HERC4: variants seen among roughly 807,000 people sequenced by gnomAD.
The protein encoded by HERC4 is HECT and RLD domain containing E3 ubiquitin protein ligase 4, also known as probable E3 ubiquitin-protein ligase HERC4.
Under a neutral mutation model 124.3 loss-of-function variants are expected in HERC4, and 28 were observed. The ratio of observed to expected loss-of-function variants is 0.23; its 90% CI spans 0.17 to 0.31. The LOEUF (loss-of-function observed/expected upper bound fraction) is 0.31. HERC4 is among the 10% of genes least tolerant of loss of function. The pLI is 1.00. For synonymous variants in HERC4, 407 were observed against 421.5 expected, an observed-to-expected ratio of 0.97 and a Z score of 0.42; for missense variants, 713 against 1,229.3, an observed-to-expected ratio of 0.58 and a Z score of 6.28.
intron 20 of HERC4, among the ~76,000 whole-genome samples, chr10:67,939,949 T>TG (rs2032728990): frequency 6.6e-6 from 1 of 152,092 alleles, no homozygotes; most frequent in South Asian, 2.1e-4. Flanking sequence ...TTTCCCGAGA[T>TG]GGAGTCTTGC....
intron 8 of HERC4, among the ~76,000 whole-genome samples, chr10:68,014,726 A>G (rs541334366): frequency 3.9e-5 from 6 of 152,216 alleles, no homozygotes; most frequent in Non-Finnish European, 8.8e-5. Flanking sequence ...CTCTGGAGGT[A>G]CTACAGTGAA....
At chr10:68,039,883 A>G in intron 4 of HERC4, 3 of 994,132 alleles carry the variant, frequency 3.0e-6, no homozygotes, top group Non-Finnish European at 3.6e-6. Flanking sequence ...ATCAAGTACA[A>G]TTTTGCAAAT....
At chr10:68,012,008 T>C (rs749797144) in intron 9 of HERC4, among the ~76,000 whole-genome samples, 7 of 152,194 alleles carry the variant, frequency 4.6e-5, no homozygotes, top group Non-Finnish European at 8.8e-5. Context: ...ACTTTTACAT[T>C]ATGGAGATGG....
intron 19 of HERC4, among the ~76,000 whole-genome samples, chr10:67,950,744 C>T (rs772038340): frequency 2.0e-5 from 3 of 152,174 alleles, no homozygotes; most frequent in Non-Finnish European, 4.4e-5. Flanking sequence ...AACATATATA[C>T]AGCTCTAAAT....
chr10:67,992,157 C>T (rs771263348), intron 11 of HERC4, 42 bp downstream of exon 11: 14 of 1,591,538 alleles, frequency 8.8e-6, no homozygotes, highest in Non-Finnish European at 1.2e-5. Flanking sequence ...GCTGGGATTA[C>T]AGGCATGAGC....
At position 68,023,440 on chromosome 10, in the gene HERC4, A is replaced by G. The variant is rs1166749913; in HGVS notation, c.908+2106T>C. 2.0e-5 allele frequency among the ~76,000 whole-genome samples: 3 copies of G among 152,352 alleles called. No individual in the cohort carries two copies. The East Asian group carries it at 5.8e-4, about 29-fold the overall frequency. ...CCTTGATGACACTACGCTGAGTGAG[A>G]TAAGTCAGTCACCAAAAGACAAACA... is the stretch of plus-strand genomic sequence containing the variant. On this transcript the variant is annotated intron_variant, in intron 8 of 24. Coordinates refer to ENST00000373700, the MANE Select transcript of HERC4 (RefSeq NM_015601.4).
chr10:67,944,184 G>T (rs979530910), intron 19 of HERC4, among the ~76,000 whole-genome samples: 23 of 152,234 alleles, frequency 1.5e-4, no homozygotes, highest in Admixed American at 6.5e-4. Context: ...ACCCAGTGCA[G>T]TCCCAGTAGT....
intron 7 of HERC4, among the ~76,000 whole-genome samples, chr10:68,032,097 A>C (rs982152201): frequency 3.9e-5 from 6 of 152,238 alleles, no homozygotes; most frequent in African/African-American, 1.4e-4. Context: ...AGACCAAAAA[A>C]GATAAAGAAA....
At chr10:68,011,859 AAAAG>A (rs1388687234) in intron 9 of HERC4, among the ~76,000 whole-genome samples, 1 of 152,220 alleles carries the variant, frequency 6.6e-6, no homozygotes, top group Non-Finnish European at 1.5e-5. Context: ...TCTCAGCTAT[AAAAG>A]AAAGTTGTAG....
chr10:67,943,950 T>C (rs2033125020), intron 19 of HERC4, among the ~76,000 whole-genome samples: 1 of 152,166 alleles, frequency 6.6e-6, no homozygotes, highest in Non-Finnish European at 1.5e-5. Flanking sequence ...ACCAGGTAGG[T>C]TCCTTAAGGT....
intron 16 of HERC4, among the ~76,000 whole-genome samples, chr10:67,959,748 G>A (rs1460964440): frequency 1.3e-5 from 2 of 152,142 alleles, no homozygotes; most frequent in Non-Finnish European, 2.9e-5. Context: ...AAAAAGAAAT[G>A]AAGAGAGAAA....
intron 11 of HERC4, among the ~76,000 whole-genome samples, 162 bp downstream of exon 11, chr10:67,992,037 C>A (rs2132781225): frequency 6.6e-6 from 1 of 152,160 alleles, no homozygotes; most frequent in Middle Eastern, 3.4e-3. Flanking sequence ...TAGCTGAGAC[C>A]ACAGGTGTGC....
rs202190636 is a variant in HERC4, at chr10:68,006,380, T to TG, written c.1069+7645_1069+7646insC. ...GCGTTTTTGTTTTTGTTTTTGTTTTTTTTTTTTTTTTGAGACAGTTTCCTC... is the reference window on the plus strand; with the variant it reads ...GCGTTTTTGTTTTTGTTTTTGTTTTTGTTTTTTTTTTTGAGACAGTTTCCTC... On this transcript the variant is annotated intron_variant, in intron 9 of 24. Coordinates refer to ENST00000373700, the MANE Select transcript of HERC4 (RefSeq NM_015601.4). Among the ~76,000 whole-genome samples, 3,011 of 150,174 alleles carry TG rather than the reference T, an allele frequency of 0.02. 230 individuals carry two copies. In the East Asian group the frequency reaches 0.28, roughly 14 times the overall value.
intron 8 of HERC4, among the ~76,000 whole-genome samples, chr10:68,016,412 G>A (rs531840969): frequency 6.6e-6 from 1 of 152,196 alleles, no homozygotes; most frequent in African/African-American, 2.4e-5. Flanking sequence ...GAGTGCAGTG[G>A]CGTGATCTTG....
intron 20 of HERC4, among the ~76,000 whole-genome samples, chr10:67,940,527 C>T (rs1027569215): frequency 6.6e-6 from 1 of 152,074 alleles, no homozygotes; most frequent in African/African-American, 2.4e-5. Flanking sequence ...TCAAGCAATT[C>T]TCCTGCCTCA....
At position 68,014,127 on chromosome 10, in the gene HERC4, C is replaced by T. The variant is rs772064040; in HGVS notation, c.968G>A (p.Gly323Asp). 2 of 1,613,748 alleles carry T rather than the reference C, an allele frequency of 1.2e-6. No homozygotes were observed. The highest frequency in any genetic ancestry group is 1.7e-5 in the Admixed American group (1 of 59,956). The change falls in exon 9 of 25, where the codon GGT becomes GAT. Residue 323 changes from glycine to aspartate, a missense_variant. Gly to Asp is a moderately conservative substitution (Grantham distance 94). Transcript: ENST00000373700. Reference protein sequence around the residue: ...SGRIYSFGLGGNGQLGTGSTS... With the variant: ...SGRIYSFGLGDNGQLGTGSTS... ...TGAACCGGTTCCCAGCTGCCCATTA[C>T]CACCAAGCCCAAAAGAGTAAATTCG...
chr10:67,956,437 T>C (rs2034147375), intron 17 of HERC4: 1 of 152,630 alleles, frequency 6.6e-6, no homozygotes, highest in South Asian at 2.1e-4. Flanking sequence ...TGAAACTTTC[T>C]TCAAGGAAAT....
At chr10:67,936,639 A>G (rs2032387185) in intron 21 of HERC4, among the ~76,000 whole-genome samples, 1 of 152,214 alleles carries the variant, frequency 6.6e-6, no homozygotes, top group Non-Finnish European at 1.5e-5. Flanking sequence ...GGGTTCCTCT[A>G]TCACCCTTGT....
chr10:68,022,512 TAAA>T (rs1452843941), intron 8 of HERC4, among the ~76,000 whole-genome samples: 1 of 148,544 alleles, frequency 6.7e-6, no homozygotes, highest in Non-Finnish European at 1.5e-5. Flanking sequence ...AATAAATAAA[TAAA>T]TAAATAAATA....
Sources: allele counts gnomAD v4.1 joint callset (sites outside exome capture counted in the v4.1 genomes callset), GRCh38; gene constraint gnomAD v4.1.1; transcripts MANE v1.5; gene names NCBI Gene and HGNC (gene_info 2026-07-23, HGNC 2026-07-21).